The following FLG variants were observed in gnomAD, a reference collection of about 807,000 sequenced individuals.
FLG encodes the protein epidermal filaggrin.
FLG carries 6 observed loss-of-function variants against 3.8 expected under a neutral mutation model. The observed-to-expected ratio is 1.60, with a 90% confidence interval of 0.87 to 3.15. The LOEUF is 3.15. Ranked by LOEUF, FLG falls within the 30% of genes most tolerant of loss-of-function variation. The pLI is 0.00. For missense variants in FLG, 7,595 were observed against 5,050.9 expected (o/e 1.50, Z -15.27); for synonymous variants, 2,551 against 1,931.6 (o/e 1.32, Z -8.41).
In FLG at chr1:152,308,188, G is replaced by A. The variant is rs1164946218; in HGVS notation, c.6698C>T (p.Pro2233Leu). The A allele has an allele frequency of 6.2e-7, 1 of 1,613,754 alleles. No individual in the cohort carries two copies. The highest frequency in any genetic ancestry group is 1.7e-5 in the Admixed American group (1 of 59,980). ...GGATCCCCGGGGCCTGCTTGTCCTG[G>A]GCCCTGATGATTGTCCCTGGCCCAC... ...SLVGQGQSSG[P>L]RTSRPRGSSV... The change falls in exon 3 of 3, where the codon CCC becomes CTC. Residue 2233 changes from proline to leucine, a missense_variant. Transcript: ENST00000368799.
In FLG at chr1:152,312,942, A is replaced by G; in HGVS notation, c.1944T>C (p.Ser648=). 1.2e-6 allele frequency: 2 copies of G among 1,614,012 alleles called. No homozygotes were observed. Among genetic ancestry groups the G allele is most frequent in the African/African-American group, 1.3e-5 (1 of 74,938 alleles). ...SGSASRNHHG[S]AQEQSRDGSR... ...AGCCATCTCTTGACTGCTCCTGAGC[A>G]GATCCATGATGGTTTCTGGAAGCAG... Residue 648 remains serine, a synonymous_variant, in exon 3 of 3, where the codon TCT becomes TCC. Coordinates refer to ENST00000368799, the MANE Select transcript of FLG (RefSeq NM_002016.2).
chr1:152,318,416 A>G (rs772840055), intron 1 of FLG, among the ~76,000 whole-genome samples: 1 of 151,830 alleles, frequency 6.6e-6, no homozygotes, highest in Non-Finnish European at 1.5e-5. Flanking sequence ...TTCTTAATGG[A>G]GTCTTTTTTT....
chr1:152,319,511 A>G (rs760332771), intron 1 of FLG, among the ~76,000 whole-genome samples: 1 of 151,532 alleles, frequency 6.6e-6, no homozygotes, highest in African/African-American at 2.4e-5. Context: ...CAGGAGATAT[A>G]AAAGAAAACC....
Position 152,305,374 on chromosome 1 carries a change from G to C in FLG, c.9512C>G (p.Ser3171Ter), listed in dbSNP as rs1455218623. 2 of 1,608,244 alleles carry C rather than the reference G, an allele frequency of 1.2e-6. No homozygotes were observed. The highest frequency in any genetic ancestry group is 1.1e-5 in the South Asian group (1 of 90,328). Residue 3171 changes from serine (S) to a stop codon, truncating the protein, a stop_gained, in exon 3 of 3, where the codon TCA (serine) becomes TGA (stop). Coordinates refer to ENST00000368799, the MANE Select transcript of FLG (RefSeq NM_002016.2). LOFTEE classifies it low-confidence loss of function (END_TRUNC). ...ASRTTRNEEQ[S>*]GDSSRHSVSR... is the part of the protein sequence containing the mutation. ...CACTGAGTGCCTGGAGCTGTCTCCT[G>C]ATTGTTCCTCATTACGTGTTGTTCT...
chr1:152,308,448 T>G lies in FLG; in HGVS notation c.6438A>C (p.Arg2146Ser). The G allele has an allele frequency of 6.2e-7, 1 of 1,613,772 alleles. No individual in the cohort carries two copies. The highest frequency in any genetic ancestry group is 8.5e-7 in the Non-Finnish European group (1 of 1,179,838). ...DTIRGHPGPS[R>S]GGRQGSHQEQ... is the part of the protein sequence containing the mutation. ...CTTGGTGGGACCCCTGTCTTCCTCC[T>G]CTGCTTGGCCCCGGGTGTCCACGAA... is the stretch of plus-strand genomic sequence containing the variant. Residue 2146 changes from arginine (R) to serine (S), a missense_variant, in exon 3 of 3, where the codon AGA (arginine) becomes AGC (serine). Arg to Ser is a moderately radical substitution (Grantham distance 110, BLOSUM62 -1). Coordinates refer to ENST00000368799, the MANE Select transcript of FLG (RefSeq NM_002016.2).
rs370973678 is a variant in FLG, at chr1:152,309,210, G to A, written c.5676C>T (p.Ala1892=). 4.2e-5 allele frequency: 67 copies of A among 1,613,494 alleles called. No individual in the cohort carries two copies. Among genetic ancestry groups the A allele is most frequent in the South Asian group, 3.6e-4 (33 of 91,048 alleles). The change falls in exon 3 of 3, where the codon GCC becomes GCT. Residue 1892 remains alanine (A), a synonymous_variant. Transcript: ENST00000368799. ...CCACCTGCGAGTGTCTAGAGCTGTC[G>A]GCCCGAGAGGAAGCTTCATGGTGAC... ...GSRHHEASSR[A]DSSRHSQVGQ...
At position 152,309,868 on chromosome 1, in the gene FLG, G is replaced by C; in HGVS notation, c.5018C>G (p.Ala1673Gly). ...ATGTCTTTCTCCTGGACTTGACCTT[G>C]CCTGTTCCTGGGATGATGCAGCCTG... ...GGQAASSQEQ[A>G]RSSPGERHGS... is the part of the protein sequence containing the mutation. Residue 1673 changes from alanine (A) to glycine (G), a missense_variant, in exon 3 of 3, where the codon GCA becomes GGA. Coordinates refer to ENST00000368799, the MANE Select transcript of FLG (RefSeq NM_002016.2). The C allele has an allele frequency of 6.2e-7, 1 of 1,614,092 alleles. No individual in the cohort carries two copies. Among genetic ancestry groups the C allele is most frequent in the East Asian group, 2.2e-5 (1 of 44,844 alleles).
Position 152,303,902 on chromosome 1 carries a change from T to C in FLG, c.10984A>G (p.Ser3662Gly). ...TGTCCCTCACTGTCACTGGCCTGAC[T>C]ACCACTGGACCCTCGGTGTCCACTG... is the stretch of plus-strand genomic sequence containing the variant. ...RDSGHRGSSG[S>G]QASDSEGHSE... The change falls in exon 3 of 3, where the codon AGT (serine) becomes GGT (glycine). Residue 3662 changes from serine (S) to glycine (G), a missense_variant. By Grantham distance (56) the Ser-to-Gly change is moderately conservative. Coordinates refer to ENST00000368799, the MANE Select transcript of FLG (RefSeq NM_002016.2). 2 of 1,613,940 alleles carry C rather than the reference T, an allele frequency of 1.2e-6. No individual in the cohort carries two copies.
chr1:152,312,734 C>G lies in FLG; in HGVS notation c.2152G>C (p.Asp718His), dbSNP rs1487801061. ...CCAGTGCCTGAGTGTCTGGAGCTGT[C>G]TGCTGACTGGAGCTGGTGGCGGGAT... ...HGSRHQLQSADSSRHSGTGHG... is the reference protein window; with the variant it reads ...HGSRHQLQSAHSSRHSGTGHG... Residue 718 changes from aspartate to histidine, a missense_variant, in exon 3 of 3, where the codon GAC becomes CAC. Asp to His is a moderately conservative substitution (Grantham distance 81). Transcript: ENST00000368799. 1.2e-6 allele frequency: 2 copies of G among 1,614,068 alleles called. No individual in the cohort carries two copies. Among genetic ancestry groups the G allele is most frequent in the East Asian group, 2.2e-5 (1 of 44,860 alleles).
chr1:152,303,356 G>C lies in FLG; in HGVS notation c.11530C>G (p.Gln3844Glu), dbSNP rs759664162. 1.4e-5 allele frequency: 23 copies of C among 1,614,014 alleles called. No homozygotes were observed. The East Asian group carries it at 4.9e-4, about 34-fold the overall frequency. ...STQADSSRHSQSGQGESAGSR... is the reference protein window; with the variant it reads ...STQADSSRHSESGQGESAGSR... ...CCCGCTGATTCACCCTGGCCGGACT[G>C]TGAGTGTCTAGAGCTGTCAGCCTGA... The change falls in exon 3 of 3, where the codon CAG becomes GAG. Residue 3844 changes from glutamine to glutamate, a missense_variant. By Grantham distance (29) the Gln-to-Glu change is conservative. Coordinates refer to ENST00000368799, the MANE Select transcript of FLG (RefSeq NM_002016.2).
At position 152,314,354 on chromosome 1, in the gene FLG, G is replaced by C. The variant is rs1322006717; in HGVS notation, c.532C>G (p.His178Asp). 2 of 1,612,080 alleles carry C rather than the reference G, an allele frequency of 1.2e-6. No homozygotes were observed. The highest frequency in any genetic ancestry group is 1.3e-5 in the African/African-American group (1 of 74,708). ...HREEEYGKNH[H>D]NSSKKEKNKT... ...TTTTTCTCTTTTTTACTTGAGTTAT[G>C]ATGGTTTTTTCCATATTCTTCTTCT... Residue 178 changes from histidine to aspartate, a missense_variant, in exon 3 of 3, where the codon CAT becomes GAT. His to Asp is a moderately conservative substitution (Grantham distance 81). Coordinates refer to ENST00000368799, the MANE Select transcript of FLG (RefSeq NM_002016.2).
chr1:152,310,889 G>T lies in FLG; in HGVS notation c.3997C>A (p.His1333Asn). 6.2e-7 allele frequency: 1 copy of T among 1,614,080 alleles called. No homozygotes were observed. Residue 1333 changes from histidine to asparagine, a missense_variant, in exon 3 of 3, where the codon CAC (histidine) becomes AAC (asparagine). By Grantham distance (68) the His-to-Asn change is moderately conservative. Coordinates refer to ENST00000368799, the MANE Select transcript of FLG (RefSeq NM_002016.2). ...ADSSRQSGTH[H>N]TESSSHGQAV... ...TGTCCATGAGAGGAAGACTCTGTGT[G>T]ATGAGTGCCTGATTGTCTGGAGCTG...
Position 152,309,791 on chromosome 1 carries a change from G to C in FLG, c.5095C>G (p.Arg1699Gly), listed in dbSNP as rs12405278. The change falls in exon 3 of 3, where the codon CGC becomes GGC. Residue 1699 changes from arginine (R) to glycine (G), a missense_variant. Physicochemically the swap from Arg to Gly is moderately radical, Grantham distance 125. Transcript: ENST00000368799. ...CCGACTACAGATGAATCTTGTCTGC[G>C]CCCAGTGCCTGAGTCTGTGGAGCTG... ...ADSSTDSGTG[R>G]RQDSSVVGDS... is the part of the protein sequence containing the mutation. 5 of 1,613,622 alleles carry C rather than the reference G, an allele frequency of 3.1e-6. No homozygotes were observed. The African/African-American group carries it at 5.3e-5, about 17-fold the overall frequency.
chr1:152,320,602 A>G (rs1652930078), intron 1 of FLG, among the ~76,000 whole-genome samples: 2 of 151,164 alleles, frequency 1.3e-5, no homozygotes, highest in African/African-American at 4.8e-5. Flanking sequence ...GGACCAGGCA[A>G]TCTACAATCA....
chr1:152,302,386 G>A lies in FLG; in HGVS notation c.*314C>T. 6.1e-6 allele frequency: 2 copies of A among 327,626 alleles called. No individual in the cohort carries two copies. Among genetic ancestry groups the A allele is most frequent in the South Asian group, 3.8e-5 (1 of 26,246 alleles). 20.3% of individuals were successfully genotyped at this position (327,626 alleles called of 1,614,324 possible). On this transcript the variant is annotated 3_prime_UTR_variant, in exon 3 of 3. Coordinates refer to ENST00000368799, the MANE Select transcript of FLG (RefSeq NM_002016.2). ...AAAAAGATTAATTTAGAAATTTGGG[G>A]AGTGTCTAAAACTTAAACTTTCAAA...
chr1:152,309,633 T>C lies in FLG; in HGVS notation c.5253A>G (p.Thr1751=). ...GPHQQSHQES[T]RGQSGERSGR... ...CAGACCTTTCCCCTGACTGGCCACGTGTGGACTCTTGGTGGCTCTGCTGAT... is the reference window on the plus strand; with the variant it reads ...CAGACCTTTCCCCTGACTGGCCACGCGTGGACTCTTGGTGGCTCTGCTGAT... The change falls in exon 3 of 3, where the codon ACA becomes ACG. Residue 1751 remains threonine (T), a synonymous_variant. Coordinates refer to ENST00000368799, the MANE Select transcript of FLG (RefSeq NM_002016.2). The C allele has an allele frequency of 6.2e-7, 1 of 1,613,948 alleles. No homozygotes were observed. The highest frequency in any genetic ancestry group is 8.5e-7 in the Non-Finnish European group (1 of 1,179,976).
In FLG at chr1:152,310,434, G is replaced by A. The variant is rs71626706; in HGVS notation, c.4452C>T (p.Asp1484=). 156 of 1,613,254 alleles carry A rather than the reference G, an allele frequency of 9.7e-5. No homozygotes were observed. Among genetic ancestry groups the A allele is most frequent in the South Asian group, 1.2e-4 (11 of 91,016 alleles). Residue 1484 remains aspartate, a synonymous_variant, in exon 3 of 3, where the codon GAC becomes GAT. Transcript: ENST00000368799. The part of the protein sequence containing the change: ...RNSSRHSASQ[D]GQDTIRGHPG... ...GGTGTCCACGAATGGTGTCCTGACCGTCTTGGGATGCTGAGTGCCTAGAGC... is the reference window on the plus strand; with the variant it reads ...GGTGTCCACGAATGGTGTCCTGACCATCTTGGGATGCTGAGTGCCTAGAGC...
rs368263044 is a variant in FLG, at chr1:152,311,517, A to C, written c.3369T>G (p.Thr1123=). 3.1e-5 allele frequency: 50 copies of C among 1,613,460 alleles called. No homozygotes were observed. The highest frequency in any genetic ancestry group is 3.6e-5 in the Non-Finnish European group (43 of 1,179,962). ...CATGGGCAGACTCAGACTGTTCATG[A>C]GTGCTCACCTGGTAGATGAAAGACC... ...RSGSFIYQVS[T]HEQSESAHGR... The change falls in exon 3 of 3, where the codon ACT becomes ACG. Residue 1123 remains threonine, a synonymous_variant. Coordinates refer to ENST00000368799, the MANE Select transcript of FLG (RefSeq NM_002016.2).
At position 152,302,778 on chromosome 1, in the gene FLG, T is replaced by G; in HGVS notation, c.12108A>C (p.Pro4036=). 6.2e-7 allele frequency: 1 copy of G among 1,614,198 alleles called. No homozygotes were observed. The change falls in exon 3 of 3, where the codon CCA becomes CCC. Residue 4036 remains proline (P), a synonymous_variant. Transcript: ENST00000368799. ...TATCACTAGAATGGCCACATAAACCTGGGTCCTTATTAATATACGTTGCAT... is the reference window on the plus strand; with the variant it reads ...TATCACTAGAATGGCCACATAAACCGGGGTCCTTATTAATATACGTTGCAT... ...RYYATYINKD[P]GLCGHSSDIS...
Sources: allele counts gnomAD v4.1 joint callset (sites outside exome capture counted in the v4.1 genomes callset), GRCh38; gene constraint gnomAD v4.1.1; transcripts MANE v1.5; gene names NCBI Gene and HGNC (gene_info 2026-07-23, HGNC 2026-07-21).